Variants in DACH2 observed in about 807,000 individuals in gnomAD.
DACH2 encodes dachshund homolog 2.
Under a neutral mutation model 35.8 loss-of-function variants are expected in DACH2, and 17 were observed. That is an observed-to-expected ratio of 0.48 (90% CI 0.33 to 0.71). The LOEUF is 0.71. Among genes scored for constraint, DACH2 ranks in the 30% least tolerant of loss-of-function variants. The pLI is 0.02. For synonymous variants in DACH2, 195 were observed against 177.3 expected, an observed-to-expected ratio of 1.10 and a Z score of -0.79; for missense variants, 469 against 472.7, an observed-to-expected ratio of 0.99 and a Z score of 0.07.
At chrX:86,540,373 T>C (rs777088484) in intron 3 of DACH2, among the ~76,000 whole-genome samples, 1 of 112,179 alleles carries the variant, frequency 8.9e-6, no homozygotes, top group South Asian at 3.7e-4. Context: ...TAAATGTGAA[T>C]CTGAAGACAG....
intron 2 of DACH2, among the ~76,000 whole-genome samples, chrX:86,466,005 G>A (rs897830999): frequency 2.7e-5 from 3 of 111,673 alleles, no homozygotes; most frequent in African/African-American, 6.5e-5. Context: ...ATAAAAGTGG[G>A]AAAGGTACTG....
At chrX:86,542,231 T>G (rs2038894238) in intron 3 of DACH2, among the ~76,000 whole-genome samples, 1 of 111,292 alleles carries the variant, frequency 9.0e-6, no homozygotes, top group Non-Finnish European at 1.9e-5. Context: ...ATATGGTTTG[T>G]CCCCACCATA....
intron 1 of DACH2, among the ~76,000 whole-genome samples, chrX:86,200,055 C>T (rs1373518033): frequency 2.7e-5 from 3 of 111,606 alleles, no homozygotes; most frequent in Non-Finnish European, 5.7e-5. Context: ...TGCTACACGG[C>T]AACAGTAACC....
At chrX:86,563,670 A>T (rs2148325914) in intron 3 of DACH2, among the ~76,000 whole-genome samples, 1 of 110,272 alleles carries the variant, frequency 9.1e-6, no homozygotes, top group South Asian at 3.8e-4. Context: ...AAGCAGTCTC[A>T]TGTTTTGTCT....
intron 4 of DACH2, among the ~76,000 whole-genome samples, chrX:86,687,166 C>G (rs915881108): frequency 4.5e-5 from 5 of 111,493 alleles, no homozygotes; most frequent in African/African-American, 1.6e-4. Flanking sequence ...AATTTGACTC[C>G]TGATCTTTTT....
At chrX:86,414,242 G>C (rs1350111011) in intron 2 of DACH2, among the ~76,000 whole-genome samples, 1 of 111,119 alleles carries the variant, frequency 9.0e-6, no homozygotes, top group Non-Finnish European at 1.9e-5. Context: ...GAAATTTTCT[G>C]TTTGTAAAAA....
At position 86,374,569 on chromosome X, in the gene DACH2, T is replaced by G. The variant is rs372357144; in HGVS notation, c.489-2255T>G. Among the ~76,000 whole-genome samples, 32 of 111,239 alleles carry G rather than the reference T, an allele frequency of 2.9e-4. No homozygotes were observed. The East Asian group carries it at 3.4e-3, about 12-fold the overall frequency. Reference sequence around the variant, plus strand: ...TTCTGTTGGTGGTAGTTGTATATTGTATATTGTATCTGCCACAACGTTCTT... The same window carrying G: ...TTCTGTTGGTGGTAGTTGTATATTGGATATTGTATCTGCCACAACGTTCTT... On this transcript the variant is annotated intron_variant, in intron 1 of 11. Transcript: ENST00000373125.
chrX:86,813,097 A>G (rs765410805), intron 8 of DACH2, 33 bp from the exon 9 acceptor site: 3 of 1,189,469 alleles, frequency 2.5e-6, no homozygotes, highest in Non-Finnish European at 3.4e-6. Flanking sequence ...AACAGATAAG[A>G]TGAACTGCAT....
At chrX:86,816,324 A>C (rs1176867839) in intron 11 of DACH2, among the ~76,000 whole-genome samples, 2 of 112,078 alleles carry the variant, frequency 1.8e-5, no homozygotes, top group Non-Finnish European at 3.8e-5. Context: ...TTACAGAGGG[A>C]CTAATAATTT....
chrX:86,607,466 C>T (rs1446076129), intron 3 of DACH2, among the ~76,000 whole-genome samples: 22 of 111,518 alleles, frequency 2.0e-4, no homozygotes, highest in African/African-American at 7.1e-4. Context: ...AAACAAACAA[C>T]TAAAATAGAA....
chrX:86,767,589 G>T (rs1378832309), intron 7 of DACH2, among the ~76,000 whole-genome samples: 2 of 111,999 alleles, frequency 1.8e-5, no homozygotes, highest in Non-Finnish European at 3.8e-5. Context: ...ACTTAATTTA[G>T]ACCTTTTCTG....
chrX:86,387,697 T>G (rs149893070), intron 2 of DACH2, among the ~76,000 whole-genome samples: 1,218 of 112,242 alleles, frequency 0.011, 12 homozygotes, highest in African/African-American at 0.038. Context: ...CCCTTTGTTT[T>G]GCTAACCATT....
At chrX:86,439,115 T>C (rs751376406) in intron 2 of DACH2, among the ~76,000 whole-genome samples, 24 of 112,343 alleles carry the variant, frequency 2.1e-4, no homozygotes, top group Non-Finnish European at 4.3e-4. Flanking sequence ...TATCTCATTG[T>C]GGTTTTGAAT....
intron 1 of DACH2, among the ~76,000 whole-genome samples, chrX:86,301,746 C>T (rs1467302691): frequency 8.9e-6 from 1 of 111,782 alleles, no homozygotes; most frequent in Non-Finnish European, 1.9e-5. Flanking sequence ...TTGTCAACTG[C>T]GTTTTTGATA....
At position 86,813,936 on chromosome X, in the gene DACH2, C is replaced by T. The variant is rs138876900; in HGVS notation, c.1537+659C>T. Among the ~76,000 whole-genome samples, 818 of 111,851 alleles carry T rather than the reference C, an allele frequency of 7.3e-3. 8 individuals are homozygous for T. The highest frequency in any genetic ancestry group is 0.025 in the African/African-American group (783 of 30,771). The stretch of plus-strand genomic sequence containing the variant: ...AGCACAGTAGATTTATTTGCACCAG[C>T]ATCACCACATACCCACTAGTAATGC... On this transcript the variant is annotated intron_variant, in intron 9 of 11. Transcript: ENST00000373125.
chrX:86,675,152 T>C (rs1320208296), intron 4 of DACH2, among the ~76,000 whole-genome samples: 6 of 111,170 alleles, frequency 5.4e-5, no homozygotes, highest in Non-Finnish European at 1.1e-4. Context: ...ATGCTGCTTA[T>C]ATTTAAATAA....
In DACH2 at chrX:86,359,084, C is replaced by CGTGTGTGT. The variant is rs1556037574; in HGVS notation, c.489-17717_489-17710dup. ...GAGAAATAGAACCATTATATTTTGTCGTGTGTGTGTGTGTGTGTGTGTGTG... is the reference window on the plus strand; with the variant it reads ...GAGAAATAGAACCATTATATTTTGTCGTGTGTGTGTGTGTGTGTGTGTGTGTGTGTGTG... On this transcript the variant is annotated intron_variant, in intron 1 of 11. Coordinates refer to ENST00000373125, the MANE Select transcript of DACH2 (RefSeq NM_053281.3). Among the ~76,000 whole-genome samples the CGTGTGTGT allele has an allele frequency of 6.5e-3, 642 of 98,493 alleles. 7 individuals carry two copies. Among genetic ancestry groups the CGTGTGTGT allele is most frequent in the African/African-American group, 0.023 (616 of 27,210 alleles). 85.5% of individuals were successfully genotyped at this position (98,493 alleles called of 115,157 possible).
At chrX:86,831,532 C>T (rs888421451) in intron 11 of DACH2, 1 of 110,227 alleles carries the variant, frequency 9.1e-6, no homozygotes, top group Non-Finnish European at 1.9e-5. Flanking sequence ...TAACTTTTAC[C>T]CACCCAAATT....
chrX:86,612,986 A>G (rs759402403), intron 3 of DACH2, among the ~76,000 whole-genome samples: 7 of 112,574 alleles, frequency 6.2e-5, no homozygotes, highest in Middle Eastern at 4.6e-3. Flanking sequence ...CAGGAAATTT[A>G]TCTTTTAAAC....
Sources: allele counts gnomAD v4.1 joint callset (sites outside exome capture counted in the v4.1 genomes callset), GRCh38; gene constraint gnomAD v4.1.1; transcripts MANE v1.5; gene names NCBI Gene and HGNC (gene_info 2026-07-23, HGNC 2026-07-21).